Variants in UGT2B7 observed in about 807,000 individuals in gnomAD.
The protein encoded by UGT2B7 is UDP-glucuronosyltransferase 2B7.
Under a neutral mutation model 51.9 loss-of-function variants are expected in UGT2B7, and 51 were observed. The ratio of observed to expected loss-of-function variants is 0.98; its 90% CI spans 0.78 to 1.24. The LOEUF (loss-of-function observed/expected upper bound fraction) is 1.24. Among genes scored for constraint, UGT2B7 ranks in the 50% most tolerant of loss-of-function variants. The pLI is 0.00. For missense variants in UGT2B7, 727 were observed against 628.4 expected, an observed-to-expected ratio of 1.16 and a Z score of -1.68; for synonymous variants, 225 against 211.6, an observed-to-expected ratio of 1.06 and a Z score of -0.55.
intron 1 of UGT2B7, chr4:69,067,506 C>A: frequency 6.4e-6 from 1 of 155,874 alleles, no homozygotes. Context: ...TATTGCAGAT[C>A]AACGTGACAA....
intron 2 of UGT2B7, among the ~76,000 whole-genome samples, chr4:69,099,676 CACTT>C (rs1016564667): frequency 5.3e-5 from 8 of 152,002 alleles, no homozygotes; most frequent in Non-Finnish European, 1.0e-4. Context: ...ACAGACAAAA[CACTT>C]AAAGTGTCTC....
chr4:69,066,443 T>G (rs1275269554), intron 1 of UGT2B7: 1 of 152,052 alleles, frequency 6.6e-6, no homozygotes, highest in East Asian at 1.9e-4. Context: ...AGTACCAATA[T>G]TCACCTATAT....
At chr4:69,064,104 A>G (rs866964592) in intron 1 of UGT2B7, among the ~76,000 whole-genome samples, 5,420 of 109,734 alleles carry the variant, frequency 0.049, 355 homozygotes, top group East Asian at 0.097. Flanking sequence ...AAGAGAAAGA[A>G]AGAAAGAAAA....
At chr4:69,097,333 G>A (rs1719275013) in intron 1 of UGT2B7, 92 bp downstream of exon 1, 3 of 1,441,464 alleles carry the variant, frequency 2.1e-6, no homozygotes, top group Non-Finnish European at 2.8e-6. Context: ...CAGGGTAGTG[G>A]GGTTTTGGTA....
Position 69,102,925 on chromosome 4 carries a change from A to G in UGT2B7, c.989A>G (p.Gln330Arg). The G allele has an allele frequency of 6.2e-7, 1 of 1,612,734 alleles. No individual in the cohort carries two copies. Among genetic ancestry groups the G allele is most frequent in the Non-Finnish European group, 8.5e-7 (1 of 1,179,360 alleles). The change falls in exon 3 of 6, where the codon CAG becomes CGG. Residue 330 changes from glutamine (Q) to arginine (R), a missense_variant. Coordinates refer to ENST00000305231, the MANE Select transcript of UGT2B7 (RefSeq NM_001074.4). ...AACGTAATTGCATCAGCCCTGGCCC[A>G]GATCCCACAAAAGGTAAGATGAAGT... ...RANVIASALA[Q>R]IPQKVLWRFD...
At chr4:69,106,300 G>T (rs540607209) in intron 3 of UGT2B7, among the ~76,000 whole-genome samples, 1 of 152,018 alleles carries the variant, frequency 6.6e-6, no homozygotes, top group African/African-American at 2.4e-5. Flanking sequence ...CTGTCTATTT[G>T]TCCACATGTT....
chr4:69,110,799 G>A (rs1316060240), intron 5 of UGT2B7, among the ~76,000 whole-genome samples: 1 of 152,066 alleles, frequency 6.6e-6, no homozygotes, highest in African/African-American at 2.4e-5. Context: ...TGAACAGTAG[G>A]TAAATCGATA....
chr4:69,055,958 G>T (rs1718181934), intron 1 of UGT2B7, among the ~76,000 whole-genome samples: 1 of 152,114 alleles, frequency 6.6e-6, no homozygotes, highest in Non-Finnish European at 1.5e-5. Context: ...AATTTCCAAA[G>T]TTGCATACTG....
At chr4:69,101,281 T>C (rs1278622770) in intron 2 of UGT2B7, among the ~76,000 whole-genome samples, 2 of 152,040 alleles carry the variant, frequency 1.3e-5, no homozygotes, top group East Asian at 3.9e-4. Context: ...AAAGCCATGA[T>C]GAAAAAATAT....
intron 1 of UGT2B7, among the ~76,000 whole-genome samples, chr4:69,077,092 T>C (rs1718723937): frequency 6.6e-6 from 1 of 152,164 alleles, no homozygotes; most frequent in Non-Finnish European, 1.5e-5. Flanking sequence ...GGTGGTTGTA[T>C]ATGTGTGGTG....
upstream of UGT2B7, among the ~76,000 whole-genome samples, chr4:69,093,191 G>A (rs59415892): frequency 0.58 from 87,665 of 151,962 alleles, 26,294 homozygotes; most frequent in African/African-American, 0.71. Flanking sequence ...CACCCAGTGA[G>A]GTGGAACAGG....
intron 4 of UGT2B7, among the ~76,000 whole-genome samples, chr4:69,107,847 T>C (rs1247574535): frequency 6.6e-6 from 1 of 152,128 alleles, no homozygotes; most frequent in African/African-American, 2.4e-5. Context: ...TTTTTGCACA[T>C]TTTTGAAATC....
intron 1 of UGT2B7, among the ~76,000 whole-genome samples, chr4:69,067,843 A>T (rs567121708): frequency 1.3e-5 from 2 of 152,260 alleles, no homozygotes; most frequent in East Asian, 3.9e-4. Flanking sequence ...TAAGTTCTAA[A>T]ATAGCCAAAA....
chr4:69,054,782 A>T (rs541779705), intron 1 of UGT2B7, among the ~76,000 whole-genome samples: 41 of 152,284 alleles, frequency 2.7e-4, no homozygotes, highest in Middle Eastern at 6.8e-3. Context: ...AAGCATGAGG[A>T]AACTCATCGC....
At chr4:69,080,991 A>G (rs1718825101) in intron 1 of UGT2B7, among the ~76,000 whole-genome samples, 1 of 152,188 alleles carries the variant, frequency 6.6e-6, no homozygotes, top group Non-Finnish European at 1.5e-5. Flanking sequence ...GTAGATAGAT[A>G]AATTATTATC....
Position 69,098,535 on chromosome 4 carries a change from G to A in UGT2B7, c.722-5G>A, listed in dbSNP as rs1174777895. ...ATCCACCTTTTTTTTTTCTATTCCT[G>A]TCAGGAAGACCCACTACATTATCTG... On this transcript the variant is annotated splice_polypyrimidine_tract_variant and splice_region_variant and intron_variant, in intron 1 of 5. Transcript: ENST00000305231. 3 of 1,558,010 alleles carry A rather than the reference G, an allele frequency of 1.9e-6. No individual in the cohort carries two copies. Among genetic ancestry groups the A allele is most frequent in the African/African-American group, 1.5e-5 (1 of 68,400 alleles).
chr4:69,112,981 A>G lies in UGT2B7; in HGVS notation c.*245A>G. ...CTACGGAAAATAAAAAATAAGATAA[A>G]GCCTTATGAGCTCGTATTGAAATTT... On this transcript the variant is annotated 3_prime_UTR_variant, in exon 6 of 6. Coordinates refer to ENST00000305231, the MANE Select transcript of UGT2B7 (RefSeq NM_001074.4). The G allele has an allele frequency of 2.3e-6, 1 of 433,496 alleles. No homozygotes were observed. Among genetic ancestry groups the G allele is most frequent in the African/African-American group, 2.1e-5 (1 of 47,930 alleles). 26.9% of individuals were successfully genotyped at this position (433,496 alleles called of 1,614,324 possible).
chr4:69,074,368 G>A lies in UGT2B7; in HGVS notation c.-158-15104G>A, dbSNP rs187044670. ...CCTTGGTAGGTTGAGGCTGCAGTGA[G>A]CCCTGAACACACCACTGCATTTCGT... On this transcript the variant is annotated intron_variant, in intron 1 of 5. Coordinates refer to the UGT2B7 transcript ENST00000502942. Among the ~76,000 whole-genome samples the A allele has an allele frequency of 3.1e-3, 473 of 150,810 alleles. 2 individuals are homozygous for A. Among genetic ancestry groups the A allele is most frequent in the African/African-American group, 0.011 (451 of 40,572 alleles).
At chr4:69,078,044 T>G (rs188827394) in intron 1 of UGT2B7, among the ~76,000 whole-genome samples, 4 of 152,294 alleles carry the variant, frequency 2.6e-5, no homozygotes, top group African/African-American at 9.6e-5. Context: ...AATCATGTTT[T>G]TTTTGGTTTG....
Sources: gnomAD v4.1 joint callset for allele counts (sites outside exome capture counted in the v4.1 genomes callset) on GRCh38, gnomAD v4.1.1 for gene constraint, MANE v1.5 for transcripts, NCBI Gene and HGNC (gene_info 2026-07-23, HGNC 2026-07-21) for gene names.